Variants in CMSS1 observed in about 807,000 individuals in gnomAD.
The protein encoded by CMSS1 is cms1 ribosomal small subunit homolog, also known as protein CMSS1.
CMSS1 carries 33 observed loss-of-function variants against 43.5 expected under a neutral mutation model. That is an observed-to-expected ratio of 0.76 (90% CI 0.57 to 1.01). CMSS1 has a LOEUF of 1.01. Ranked by LOEUF, CMSS1 falls within the 50% of genes least tolerant of loss-of-function variation. The probability of loss-of-function intolerance (pLI) is 0.00; values close to 1 mark genes in which losing one functional copy is unlikely to be tolerated. For missense variants in CMSS1, 313 were observed against 326.4 expected, an observed-to-expected ratio of 0.96 and a Z score of 0.32; for synonymous variants, 115 against 117.2, an observed-to-expected ratio of 0.98 and a Z score of 0.12.
At chr3:99,818,229 C>T (rs1442267064) in intron 1 of CMSS1, among the ~76,000 whole-genome samples, 186 bp downstream of exon 1, 2 of 152,256 alleles carry the variant, frequency 1.3e-5, no homozygotes, top group African/African-American at 4.8e-5. Context: ...ACAGCTGTGA[C>T]ATTAACTCAG....
intron 1 of CMSS1, among the ~76,000 whole-genome samples, chr3:100,031,427 G>A (rs774312903): frequency 2.0e-5 from 3 of 152,046 alleles, no homozygotes; most frequent in South Asian, 2.1e-4. Context: ...GGAGTTGGTG[G>A]TAGGGTTCAC....
At position 99,862,449 on chromosome 3, in the gene CMSS1, T is replaced by C. The variant is rs1267648861; in HGVS notation, c.64+44406T>C. Among the ~76,000 whole-genome samples, 4 of 152,216 alleles carry C rather than the reference T, an allele frequency of 2.6e-5. No homozygotes were observed. The East Asian group carries it at 7.7e-4, about 29-fold the overall frequency. On this transcript the variant is annotated intron_variant, in intron 1 of 9. Coordinates refer to ENST00000421999, the MANE Select transcript of CMSS1 (RefSeq NM_032359.4). The stretch of plus-strand genomic sequence containing the variant: ...TCTTTTCAGCTATGCACATGGTTAG[T>C]CATAATGATTGTCATTTTAGGTCAG...
chr3:100,126,685 T>C (rs1190058751), intron 1 of CMSS1, among the ~76,000 whole-genome samples: 2 of 152,142 alleles, frequency 1.3e-5, no homozygotes, highest in Non-Finnish European at 2.9e-5. Context: ...AACTAAGAGC[T>C]AGATATTGAA....
intron 1 of CMSS1, among the ~76,000 whole-genome samples, chr3:99,993,477 C>T (rs1325017105): frequency 6.6e-6 from 1 of 152,062 alleles, no homozygotes; most frequent in Non-Finnish European, 1.5e-5. Flanking sequence ...ATTTCTTTCT[C>T]TTACCTGACT....
In CMSS1 at chr3:99,983,418, ATGTATGTATGTATG is replaced by A. The variant is rs1559713443; in HGVS notation, c.65-163553_65-163540del. ...TATATATATATATATATATATATAT[ATGTATGTATGTATG>A]TATATATATGTATGTATATATATAT... On this transcript the variant is annotated intron_variant, in intron 1 of 9. Transcript: ENST00000421999. Among the ~76,000 whole-genome samples the A allele has an allele frequency of 4.6e-3, 378 of 81,950 alleles. 16 individuals carry two copies. Among genetic ancestry groups the A allele is most frequent in the African/African-American group, 0.016 (312 of 19,122 alleles). 53.8% of individuals were successfully genotyped at this position (81,950 alleles called of 152,430 possible). A position where few individuals can be genotyped will look rare whatever the true frequency, so the allele number is the denominator to read the frequency against.
chr3:99,865,504 G>C (rs1487266281), intron 1 of CMSS1, among the ~76,000 whole-genome samples: 1 of 152,148 alleles, frequency 6.6e-6, no homozygotes, highest in Non-Finnish European at 1.5e-5. Flanking sequence ...CCTTGATCTT[G>C]AGACATTAGC....
intron 1 of CMSS1, among the ~76,000 whole-genome samples, chr3:100,128,832 C>T (rs1026371341): frequency 5.3e-5 from 8 of 152,226 alleles, no homozygotes; most frequent in African/African-American, 1.9e-4. Flanking sequence ...CATTTGTCAG[C>T]TATCTATTCC....
intron 1 of CMSS1, among the ~76,000 whole-genome samples, chr3:99,892,215 G>A (rs1706104825): frequency 6.6e-6 from 1 of 152,156 alleles, no homozygotes; most frequent in Non-Finnish European, 1.5e-5. Flanking sequence ...GTTTTTCATA[G>A]TGCACTAGGC....
intron 1 of CMSS1, chr3:99,850,638 T>G: frequency 6.2e-7 from 1 of 1,614,090 alleles, no homozygotes; most frequent in Non-Finnish European, 8.5e-7. Flanking sequence ...CCTCTTCTGC[T>G]TTTCGTAAAG....
intron 1 of CMSS1, among the ~76,000 whole-genome samples, chr3:100,047,052 T>C (rs940020601): frequency 2.6e-5 from 4 of 152,214 alleles, no homozygotes; most frequent in African/African-American, 9.7e-5. Flanking sequence ...TAAAGGGTAT[T>C]GTCCTCAGGT....
At chr3:100,049,118 A>G (rs2065327214) in intron 1 of CMSS1, among the ~76,000 whole-genome samples, 2 of 152,254 alleles carry the variant, frequency 1.3e-5, no homozygotes, top group Non-Finnish European at 2.9e-5. Context: ...ACAATTGCAA[A>G]CAGTTCTCTT....
chr3:100,126,997 C>CA (rs555086775), intron 1 of CMSS1, among the ~76,000 whole-genome samples: 8,994 of 110,494 alleles, frequency 0.081, 378 homozygotes, highest in Middle Eastern at 0.14. Flanking sequence ...GACTCCGTCT[C>CA]AAAAAAAAAA....
At chr3:100,142,928 T>A (rs2066816740) in intron 1 of CMSS1, among the ~76,000 whole-genome samples, 1 of 152,186 alleles carries the variant, frequency 6.6e-6, no homozygotes, top group African/African-American at 2.4e-5. Flanking sequence ...ACAGTTCAGA[T>A]GGAGAGAAAA....
At chr3:99,853,703 T>C (rs1943818312) in intron 1 of CMSS1, among the ~76,000 whole-genome samples, 1 of 152,262 alleles carries the variant, frequency 6.6e-6, no homozygotes, top group African/African-American at 2.4e-5. Context: ...CCCCAAGTTC[T>C]GTCTGATTAT....
At chr3:100,153,114 A>ACAACTATG (rs1259387595) in intron 2 of CMSS1, among the ~76,000 whole-genome samples, 1 of 152,250 alleles carries the variant, frequency 6.6e-6, no homozygotes, top group African/African-American at 2.4e-5. Context: ...ACAAATAAAT[A>ACAACTATG]CAACTATGTA....
At chr3:100,066,398 G>C (rs550057940) in intron 1 of CMSS1, among the ~76,000 whole-genome samples, 48 of 150,886 alleles carry the variant, frequency 3.2e-4, no homozygotes, top group Non-Finnish European at 2.9e-4. Context: ...GGATTGTTTT[G>C]TTTATGTAGG....
intron 2 of CMSS1, among the ~76,000 whole-genome samples, chr3:100,156,676 C>T (rs2066977926): frequency 6.6e-6 from 1 of 151,806 alleles, no homozygotes; most frequent in Admixed American, 6.6e-5. Context: ...CGTGCAGTGG[C>T]ACGATCTTGG....
At chr3:99,866,215 CTTAA>C (rs1944508922) in intron 1 of CMSS1, among the ~76,000 whole-genome samples, 1 of 151,090 alleles carries the variant, frequency 6.6e-6, no homozygotes, top group Non-Finnish European at 1.5e-5. Flanking sequence ...GCTTTCTTAC[CTTAA>C]TTGTTGTTCA....
At chr3:99,834,362 G>T (rs769629417) in intron 1 of CMSS1, among the ~76,000 whole-genome samples, 5 of 152,140 alleles carry the variant, frequency 3.3e-5, no homozygotes, top group Non-Finnish European at 5.9e-5. Context: ...AGAGTAAATA[G>T]GTGCCTTTAT....
Sources: gnomAD v4.1 joint callset for allele counts (sites outside exome capture counted in the v4.1 genomes callset) on GRCh38, gnomAD v4.1.1 for gene constraint, MANE v1.5 for transcripts, NCBI Gene and HGNC (gene_info 2026-07-23, HGNC 2026-07-21) for gene names.